Variants in SNTG2 observed in about 807,000 individuals in gnomAD.
The protein encoded by SNTG2 is syntrophin gamma 2.
A neutral mutation model predicts 70.9 loss-of-function variants in SNTG2; 74 were observed. The observed-to-expected ratio is 1.04, with a 90% CI of 0.86 to 1.27. The LOEUF is 1.27. Ranked by LOEUF, SNTG2 falls within the 50% of genes most tolerant of loss-of-function variation. SNTG2 has a pLI of 0.00. For synonymous variants in SNTG2, 278 were observed against 273.8 expected, an observed-to-expected ratio of 1.02 and a Z score of -0.15; for missense variants, 717 against 690.7, an observed-to-expected ratio of 1.04 and a Z score of -0.43.
Position 1,222,105 on chromosome 2 carries a change from GTCTCTCTCTGTCTCTCTCTGTCTC to G in SNTG2, c.719+12881_719+12904del, listed in dbSNP as rs1572775205. ...TCTCTGTCTCTCTCTGTCTCTCTCT[GTCTCTCTCTGTCTCTCTCTGTCTC>G]TCTCTGTCTCTCTCTGTCTCTGCCT... On this transcript the variant is annotated intron_variant, in intron 9 of 16. Transcript: ENST00000308624. 5.4e-4 allele frequency among the ~76,000 whole-genome samples: 15 copies of G among 27,598 alleles called. 1 individual carries two copies. Among genetic ancestry groups the G allele is most frequent in the African/African-American group, 2.9e-3 (12 of 4,192 alleles). 18.1% of individuals were successfully genotyped at this position (27,598 alleles called of 152,430 possible). A position where few individuals can be genotyped will look rare whatever the true frequency, so the allele number is the denominator to read the frequency against.
chr2:1,074,030 A>G (rs1201400353), intron 1 of SNTG2, among the ~76,000 whole-genome samples: 2 of 152,192 alleles, frequency 1.3e-5, no homozygotes, highest in African/African-American at 2.4e-5. Context: ...TGGACTCTCA[A>G]TATTGATATG....
intron 16 of SNTG2, among the ~76,000 whole-genome samples, chr2:1,323,734 C>G (rs1017531409): frequency 3.4e-5 from 5 of 148,456 alleles, no homozygotes; most frequent in Middle Eastern, 8.5e-3. Flanking sequence ...GACCTCCCCC[C>G]ACCCAGTAGT....
At chr2:1,293,157 C>CTTTTTTTTTTTTTTT (rs71400092) in intron 14 of SNTG2, among the ~76,000 whole-genome samples, 1 of 130,988 alleles carries the variant, frequency 7.6e-6, no homozygotes, top group African/African-American at 2.8e-5. Context: ...TACTCTGTTA[C>CTTTTTTTTTTTTTTT]TTTTTTTTTT....
intron 9 of SNTG2, among the ~76,000 whole-genome samples, chr2:1,225,789 C>T (rs1001484474): frequency 2.0e-5 from 3 of 152,308 alleles, no homozygotes; most frequent in Non-Finnish European, 4.4e-5. Context: ...TGCAGATGCT[C>T]AGGGATGATT....
At chr2:1,212,658 T>C (rs1423270029) in intron 9 of SNTG2, among the ~76,000 whole-genome samples, 1 of 152,216 alleles carries the variant, frequency 6.6e-6, no homozygotes, top group Admixed American at 6.5e-5. Context: ...GCTATGAATT[T>C]TATAAAACCT....
chr2:981,883 A>G (rs901812408), intron 1 of SNTG2, among the ~76,000 whole-genome samples: 7 of 151,974 alleles, frequency 4.6e-5, no homozygotes, highest in Non-Finnish European at 1.0e-4. Flanking sequence ...ACAGATATAC[A>G]TTCACATGCG....
At chr2:1,356,813 T>A (rs1255219993) in intron 16 of SNTG2, among the ~76,000 whole-genome samples, 2 of 152,194 alleles carry the variant, frequency 1.3e-5, no homozygotes, top group Admixed American at 6.5e-5. Flanking sequence ...TGGTTTTTTT[T>A]ATTTACTTGT....
At chr2:1,039,264 C>G (rs1661295672) in intron 1 of SNTG2, among the ~76,000 whole-genome samples, 1 of 152,222 alleles carries the variant, frequency 6.6e-6, no homozygotes, top group Admixed American at 6.5e-5. Context: ...AATGCATTCT[C>G]TGACTCTGAA....
chr2:1,091,749 T>C (rs1665044206), intron 2 of SNTG2, among the ~76,000 whole-genome samples: 1 of 152,222 alleles, frequency 6.6e-6, no homozygotes, highest in African/African-American at 2.4e-5. Flanking sequence ...TTAGGAGTTA[T>C]CATACACTTT....
At chr2:1,030,271 T>G (rs1660742233) in intron 1 of SNTG2, among the ~76,000 whole-genome samples, 1 of 152,136 alleles carries the variant, frequency 6.6e-6, no homozygotes, top group Non-Finnish European at 1.5e-5. Flanking sequence ...GCAGTGCGTG[T>G]GTTAGAGACG....
intron 14 of SNTG2, among the ~76,000 whole-genome samples, chr2:1,286,066 C>A (rs554633701): frequency 1.3e-5 from 2 of 152,300 alleles, no homozygotes; most frequent in South Asian, 4.1e-4. Context: ...TTAGGAGAAG[C>A]CCAAAGTGTC....
chr2:1,096,018 C>T (rs1435462276), intron 2 of SNTG2, among the ~76,000 whole-genome samples: 1 of 152,160 alleles, frequency 6.6e-6, no homozygotes, highest in African/African-American at 2.4e-5. Flanking sequence ...GGGAATGAAC[C>T]CCCCCTTGGT....
chr2:1,363,129 A>ACCT lies in SNTG2; in HGVS notation c.1489-4212_1489-4211insTCC, dbSNP rs1661291210. 1.4e-5 allele frequency among the ~76,000 whole-genome samples: 2 copies of ACCT among 140,678 alleles called. 1 individual carries two copies. Among genetic ancestry groups the ACCT allele is most frequent in the South Asian group, 4.8e-4 (2 of 4,198 alleles). 92.3% of individuals were successfully genotyped at this position (140,678 alleles called of 152,430 possible). A position where few individuals can be genotyped will look rare whatever the true frequency, so the allele number is the denominator to read the frequency against. Reference sequence around the variant, plus strand: ...CTCCTGTGAAACCCTCACAAAATGGACCCCCCCCATGAAAGAGGAACCATG... The same window carrying ACCT: ...CTCCTGTGAAACCCTCACAAAATGGACCTCCCCCCCCATGAAAGAGGAACCATG... On this transcript the variant is annotated intron_variant, in intron 16 of 16. Transcript: ENST00000308624.
At chr2:1,304,514 T>C (rs968803793) in intron 14 of SNTG2, among the ~76,000 whole-genome samples, 4 of 152,092 alleles carry the variant, frequency 2.6e-5, no homozygotes, top group Admixed American at 2.6e-4. Flanking sequence ...ATCACTGCGT[T>C]CAGAAGTTTG....
rs141852298 is a variant in SNTG2, at chr2:1,297,492, C to A, written c.1285-11002C>A. On this transcript the variant is annotated intron_variant, in intron 14 of 16. Coordinates refer to ENST00000308624, the MANE Select transcript of SNTG2 (RefSeq NM_018968.4). ...TGCACAACACAGGGGCTGCCCAGCCCGGCGCCTCTGCAGCTCCTTCCCATC... is the reference window on the plus strand; with the variant it reads ...TGCACAACACAGGGGCTGCCCAGCCAGGCGCCTCTGCAGCTCCTTCCCATC... 5.7e-4 allele frequency among the ~76,000 whole-genome samples: 87 copies of A among 152,204 alleles called. 2 individuals are homozygous for A. In the East Asian group the frequency reaches 0.014, roughly 24 times the overall value.
At chr2:1,145,661 T>G (rs1669055669) in intron 6 of SNTG2, among the ~76,000 whole-genome samples, 1 of 152,214 alleles carries the variant, frequency 6.6e-6, no homozygotes, top group Non-Finnish European at 1.5e-5. Context: ...ACAATCACTT[T>G]CAGAGAACAG....
At chr2:1,070,579 TCTTA>T (rs1663466860) in intron 1 of SNTG2, among the ~76,000 whole-genome samples, 2 of 152,240 alleles carry the variant, frequency 1.3e-5, no homozygotes, top group African/African-American at 4.8e-5. Context: ...AAGCTAAATA[TCTTA>T]CTTACATGCA....
chr2:1,137,309 C>T (rs1390177156), intron 4 of SNTG2, among the ~76,000 whole-genome samples: 1 of 151,952 alleles, frequency 6.6e-6, no homozygotes, highest in African/African-American at 2.4e-5. Context: ...CCTGCACACA[C>T]ACACATCTCA....
In SNTG2 at chr2:1,062,772, G is replaced by A. The variant is rs149699367; in HGVS notation, c.73-20746G>A. Among the ~76,000 whole-genome samples, 40 of 152,278 alleles carry A rather than the reference G, an allele frequency of 2.6e-4. 1 individual carries two copies. The East Asian group carries it at 5.8e-3, about 22-fold the overall frequency. On this transcript the variant is annotated intron_variant, in intron 1 of 16. Transcript: ENST00000308624. ...TTAAAAGGAAATGTGACCACATTAA[G>A]CTTGAAAATTAGACTTAATAAATGT...
Sources: allele counts gnomAD v4.1 joint callset (sites outside exome capture counted in the v4.1 genomes callset), GRCh38; gene constraint gnomAD v4.1.1; transcripts MANE v1.5; gene names NCBI Gene and HGNC (gene_info 2026-07-23, HGNC 2026-07-21).